CHN1: variants seen among roughly 807,000 people sequenced by gnomAD.
The protein encoded by CHN1 is chimerin 1.
CHN1 carries 37 observed loss-of-function variants against 59.5 expected under a neutral mutation model. The observed-to-expected ratio is 0.62, with a 90% CI of 0.48 to 0.82. CHN1 has a LOEUF of 0.82. Ranked by LOEUF, CHN1 falls within the 40% of genes least tolerant of loss-of-function variation. The pLI, the probability that CHN1 is intolerant of heterozygous loss-of-function variation, is 0.00. For synonymous variants in CHN1, 206 were observed against 200.4 expected, an observed-to-expected ratio of 1.03 and a Z score of -0.24; for missense variants, 469 against 571.0, an observed-to-expected ratio of 0.82 and a Z score of 1.82.
intron 8 of CHN1, among the ~76,000 whole-genome samples, chr2:174,822,298 G>A (rs957977762): frequency 6.6e-6 from 1 of 152,170 alleles, no homozygotes; most frequent in Non-Finnish European, 1.5e-5. Flanking sequence ...ATAAGAGGTA[G>A]AGGCTATTAA....
chr2:174,990,359 G>A (rs937108500), intron 1 of CHN1, among the ~76,000 whole-genome samples: 1 of 150,396 alleles, frequency 6.6e-6, no homozygotes, highest in African/African-American at 2.5e-5. Context: ...GAGGGAGGGA[G>A]AAGAGAGGAA....
chr2:174,880,005 G>C (rs1687687719), intron 5 of CHN1, among the ~76,000 whole-genome samples: 1 of 152,080 alleles, frequency 6.6e-6, no homozygotes, highest in Admixed American at 6.6e-5. Flanking sequence ...CTTTCCAATG[G>C]ACGATGCCTA....
intron 1 of CHN1, among the ~76,000 whole-genome samples, chr2:174,976,412 T>C (rs1690942820): frequency 6.6e-6 from 1 of 151,964 alleles, no homozygotes; most frequent in Non-Finnish European, 1.5e-5. Context: ...TAATTTTTTC[T>C]ATTTTTAGTA....
intron 1 of CHN1, among the ~76,000 whole-genome samples, chr2:174,988,093 C>G (rs981793989): frequency 6.6e-6 from 1 of 152,160 alleles, no homozygotes; most frequent in African/African-American, 2.4e-5. Flanking sequence ...GGCGCGGTGG[C>G]TCACGCCTGT....
At chr2:174,849,325 T>C (rs1686651094) in intron 6 of CHN1, among the ~76,000 whole-genome samples, 1 of 152,208 alleles carries the variant, frequency 6.6e-6, no homozygotes, top group Non-Finnish European at 1.5e-5. Context: ...TTGTACTGTA[T>C]TTCCTGAGTA....
rs531263479 is a variant in CHN1 at position 174,925,225 on chromosome 2, G to A, written c.115-6660C>T. Among the ~76,000 whole-genome samples, 13 of 152,116 alleles carry A rather than the reference G, an allele frequency of 8.5e-5. No homozygotes were observed. In the South Asian group the frequency reaches 1.9e-3, roughly 22 times the overall value. On this transcript the variant is annotated intron_variant, in intron 3 of 12. Coordinates refer to ENST00000409900, the MANE Select transcript of CHN1 (RefSeq NM_001822.7). The stretch of plus-strand genomic sequence containing the variant: ...GTTGGACAAGCCTCCTCATACCCCC[G>A]CCTTTTGGTGTTTAGGCACAACTGA...
At chr2:174,802,806 G>A (rs756604205) in intron 11 of CHN1, among the ~76,000 whole-genome samples, 1 of 152,152 alleles carries the variant, frequency 6.6e-6, no homozygotes, top group South Asian at 2.1e-4. Context: ...TTGGGAGGCC[G>A]AGGGGGGTGG....
chr2:174,815,467 C>G lies in CHN1; in HGVS notation c.713-2985G>C, dbSNP rs138600278. Among the ~76,000 whole-genome samples the G allele has an allele frequency of 2.4e-3, 368 of 152,270 alleles. 3 individuals are homozygous for G. Among genetic ancestry groups the G allele is most frequent in the African/African-American group, 8.4e-3 (350 of 41,560 alleles). On this transcript the variant is annotated intron_variant, in intron 8 of 12. Transcript: ENST00000409900. Reference sequence around the variant, plus strand: ...TATCTTCACTTCAAGTTCATCTTCACTCTGTCATGTCTATTCTGCTATTAA... The same window carrying G: ...TATCTTCACTTCAAGTTCATCTTCAGTCTGTCATGTCTATTCTGCTATTAA...
intron 1 of CHN1, among the ~76,000 whole-genome samples, chr2:174,969,799 C>A (rs1341821082): frequency 6.6e-6 from 1 of 151,954 alleles, no homozygotes; most frequent in African/African-American, 2.4e-5. Context: ...TCGATGAGGG[C>A]AGGATTTTTT....
chr2:174,882,500 G>A (rs1330510218), intron 5 of CHN1, among the ~76,000 whole-genome samples: 1 of 152,012 alleles, frequency 6.6e-6, no homozygotes, highest in African/African-American at 2.4e-5. Flanking sequence ...AATAGCTTTC[G>A]GAATTTTACT....
At chr2:174,852,562 A>C (rs972483420) in intron 6 of CHN1, among the ~76,000 whole-genome samples, 4 of 152,238 alleles carry the variant, frequency 2.6e-5, no homozygotes, top group African/African-American at 9.6e-5. Flanking sequence ...CATTCTTTAC[A>C]GAATTAGAAA....
chr2:174,837,837 T>C (rs1391784806), intron 7 of CHN1, among the ~76,000 whole-genome samples: 2 of 152,356 alleles, frequency 1.3e-5, no homozygotes, highest in East Asian at 1.9e-4. Flanking sequence ...TTTTAACCTA[T>C]ATTCCACTTC....
At chr2:174,944,191 C>T (rs755168935) in intron 3 of CHN1, among the ~76,000 whole-genome samples, 2 of 152,082 alleles carry the variant, frequency 1.3e-5, no homozygotes, top group Admixed American at 1.3e-4. Flanking sequence ...TATATTTGTG[C>T]AGGTGGTTCA....
chr2:174,911,012 C>T (rs952929444), intron 5 of CHN1, among the ~76,000 whole-genome samples: 1 of 151,056 alleles, frequency 6.6e-6, no homozygotes, highest in Non-Finnish European at 1.5e-5. Context: ...TCTTAAATTT[C>T]ACTATTTCCA....
intron 5 of CHN1, among the ~76,000 whole-genome samples, chr2:174,886,017 G>A (rs777732370): frequency 8.5e-5 from 13 of 152,170 alleles, no homozygotes; most frequent in Admixed American, 5.2e-4. Context: ...CCCATTAAAA[G>A]CTAATTGAAA....
At chr2:174,808,431 G>C (rs532175652) in intron 11 of CHN1, among the ~76,000 whole-genome samples, 2 of 152,022 alleles carry the variant, frequency 1.3e-5, no homozygotes, top group Admixed American at 6.6e-5. Context: ...CTACAGGCGC[G>C]TGCCACCACG....
At chr2:174,939,894 T>C (rs1050065434) in intron 3 of CHN1, among the ~76,000 whole-genome samples, 1 of 152,186 alleles carries the variant, frequency 6.6e-6, no homozygotes, top group Non-Finnish European at 1.5e-5. Flanking sequence ...CCTGCCTAAT[T>C]CTGTAAATTG....
intron 7 of CHN1, among the ~76,000 whole-genome samples, chr2:174,829,543 G>T (rs561358677): frequency 1.3e-5 from 2 of 152,322 alleles, no homozygotes; most frequent in East Asian, 3.9e-4. Flanking sequence ...GATATAGGAA[G>T]ATAAAGAAAA....
intron 6 of CHN1, among the ~76,000 whole-genome samples, chr2:174,873,311 C>G (rs2600700): frequency 0.48 from 73,403 of 151,912 alleles, 18,479 homozygotes; most frequent in African/African-American, 0.61. Flanking sequence ...AGAACAAAAA[C>G]AGAAGCATAG....
Sources: allele counts gnomAD v4.1 joint callset (sites outside exome capture counted in the v4.1 genomes callset), GRCh38; gene constraint gnomAD v4.1.1; transcripts MANE v1.5; gene names NCBI Gene and HGNC (gene_info 2026-07-23, HGNC 2026-07-21).